Variants in NREP observed in about 807,000 individuals in gnomAD.
The protein encoded by NREP is neuronal regeneration related protein, also known as neuronal regeneration-related protein.
In NREP, 5 loss-of-function variants were observed where a neutral mutation model predicts 8.6. The ratio of observed to expected loss-of-function variants is 0.58; its 90% CI spans 0.30 to 1.22. NREP has a LOEUF of 1.22. NREP is among the 50% of genes most tolerant of loss of function. The pLI is 0.07. For synonymous variants in NREP, 27 were observed against 28.0 expected, an observed-to-expected ratio of 0.96 and a Z score of 0.11; for missense variants, 86 against 82.5, an observed-to-expected ratio of 1.04 and a Z score of -0.17.
chr5:111,731,819 C>T lies in NREP; in HGVS notation c.82-773G>A, dbSNP rs369854804. 5 of 152,474 alleles carry T rather than the reference C, an allele frequency of 3.3e-5. No homozygotes were observed. The East Asian group carries it at 5.8e-4, about 18-fold the overall frequency. 9.4% of individuals were successfully genotyped at this position (152,474 alleles called of 1,614,324 possible). On this transcript the variant is annotated intron_variant, in intron 3 of 3. Coordinates refer to ENST00000257435, the MANE Select transcript of NREP (RefSeq NM_004772.4). Reference sequence around the variant, plus strand: ...CAGTGTGACTACTGATCCGCCGCCACGTGGCTTCCCGGACACACTGCTGCA... The same window carrying T: ...CAGTGTGACTACTGATCCGCCGCCATGTGGCTTCCCGGACACACTGCTGCA...
In NREP at chr5:111,913,979, G is replaced by A. The variant is rs746881961; in HGVS notation, c.135+61295C>T. ...ATAAAGTGGAAGCAACCATCCTTAC[G>A]CATCTAAATGCAAAATTATTTGGTG... On this transcript the variant is annotated intron_variant, in intron 2 of 3. Transcript: ENST00000395634. Among the ~76,000 whole-genome samples, 98 of 152,196 alleles carry A rather than the reference G, an allele frequency of 6.4e-4. 1 individual carries two copies. Among genetic ancestry groups the A allele is most frequent in the Non-Finnish European group, 9.0e-4 (61 of 68,000 alleles).
chr5:111,770,016 G>A (rs928946839), intron 2 of NREP, among the ~76,000 whole-genome samples: 1 of 152,152 alleles, frequency 6.6e-6, no homozygotes, highest in Non-Finnish European at 1.5e-5. Context: ...CAAGAGATAG[G>A]GAGGCCGTGA....
chr5:111,845,327 C>A (rs1463538164), intron 2 of NREP, among the ~76,000 whole-genome samples: 2 of 151,662 alleles, frequency 1.3e-5, no homozygotes, highest in African/African-American at 4.9e-5. Flanking sequence ...TAATCTCTCA[C>A]CTGGATTCCA....
chr5:111,739,885 A>G (rs1326759068), intron 2 of NREP, among the ~76,000 whole-genome samples: 1 of 152,122 alleles, frequency 6.6e-6, no homozygotes, highest in Non-Finnish European at 1.5e-5. Context: ...TTCCATGTAT[A>G]CAATAAACAA....
intron 2 of NREP, among the ~76,000 whole-genome samples, chr5:111,790,572 C>T (rs1751719967): frequency 1.3e-5 from 2 of 151,886 alleles, no homozygotes; most frequent in Admixed American, 1.3e-4. Context: ...CCAACCTGAG[C>T]AGCAGAATGA....
At chr5:111,818,918 A>G (rs1581139983) in intron 2 of NREP, among the ~76,000 whole-genome samples, 1 of 152,350 alleles carries the variant, frequency 6.6e-6, no homozygotes, top group South Asian at 2.1e-4. Context: ...ATTTAAACCT[A>G]CAATGCATAA....
At chr5:111,889,409 C>T (rs1754340836) in intron 2 of NREP, among the ~76,000 whole-genome samples, 1 of 152,198 alleles carries the variant, frequency 6.6e-6, no homozygotes, top group Non-Finnish European at 1.5e-5. Context: ...TATCACCTTT[C>T]ACCAGGCCTC....
At chr5:111,908,319 G>T (rs1183329983) in intron 2 of NREP, among the ~76,000 whole-genome samples, 14 of 151,972 alleles carry the variant, frequency 9.2e-5, no homozygotes, top group Admixed American at 9.2e-4. Context: ...GGGTATATGT[G>T]TAGGTTTGTT....
At chr5:111,926,429 G>T (rs143780692) in intron 2 of NREP, among the ~76,000 whole-genome samples, 74 of 152,198 alleles carry the variant, frequency 4.9e-4, no homozygotes, top group African/African-American at 1.8e-3. Context: ...CGCTTGCAGA[G>T]GTCTGTGTTG....
chr5:111,975,426 G>A, intron 1 of NREP: 1 of 1,309,122 alleles, frequency 7.6e-7, no homozygotes, highest in East Asian at 2.5e-5. Context: ...ACCCCCCTGA[G>A]TGCCACAACT....
intron 2 of NREP, among the ~76,000 whole-genome samples, chr5:111,827,491 G>C (rs925277140): frequency 2.0e-5 from 3 of 152,178 alleles, no homozygotes; most frequent in African/African-American, 7.2e-5. Context: ...AAGGTTATGA[G>C]GTCATCCATT....
intron 2 of NREP, among the ~76,000 whole-genome samples, chr5:111,929,013 C>A (rs1242229163): frequency 6.6e-6 from 1 of 151,868 alleles, no homozygotes; most frequent in Non-Finnish European, 1.5e-5. Context: ...AATAAATGTA[C>A]TTGTTTTATA....
chr5:111,831,736 T>G (rs1465829554), intron 2 of NREP, among the ~76,000 whole-genome samples: 1 of 152,194 alleles, frequency 6.6e-6, no homozygotes, highest in Non-Finnish European at 1.5e-5. Context: ...TTTTAAAAAT[T>G]TGAGGTTCTA....
upstream of NREP, among the ~76,000 whole-genome samples, chr5:111,760,676 G>A (rs1428751402): frequency 1.3e-5 from 2 of 152,188 alleles, no homozygotes; most frequent in African/African-American, 4.8e-5. Context: ...GTTGAAGGAG[G>A]AAAGGGGCCT....
intron 2 of NREP, among the ~76,000 whole-genome samples, chr5:111,887,183 C>T (rs373932690): frequency 2.0e-5 from 3 of 151,944 alleles, no homozygotes; most frequent in Non-Finnish European, 2.9e-5. Flanking sequence ...CTTGGTCTCC[C>T]AAGGTGCTGA....
chr5:111,812,907 G>A (rs891249953), intron 2 of NREP, among the ~76,000 whole-genome samples: 2 of 152,130 alleles, frequency 1.3e-5, no homozygotes, highest in African/African-American at 2.4e-5. Flanking sequence ...TTTTGTAGGT[G>A]AGAAACTAAA....
intron 1 of NREP, chr5:111,756,198 C>A: frequency 9.8e-7 from 1 of 1,018,212 alleles, no homozygotes; most frequent in Non-Finnish European, 1.2e-6. Flanking sequence ...TATTTGCAAT[C>A]AAGACGACAG....
At chr5:111,912,530 C>A (rs939149927) in intron 2 of NREP, 1 of 152,080 alleles carries the variant, frequency 6.6e-6, no homozygotes, top group Non-Finnish European at 1.5e-5. Flanking sequence ...ATATAGATTT[C>A]TCTCTTCTTT....
intron 2 of NREP, among the ~76,000 whole-genome samples, chr5:111,954,184 A>G (rs962076664): frequency 6.6e-6 from 1 of 152,170 alleles, no homozygotes; most frequent in Non-Finnish European, 1.5e-5. Flanking sequence ...ATTGGATGTC[A>G]TGTGATCATC....
Sources: gnomAD v4.1 joint callset for allele counts (sites outside exome capture counted in the v4.1 genomes callset) on GRCh38, gnomAD v4.1.1 for gene constraint, MANE v1.5 for transcripts, NCBI Gene and HGNC (gene_info 2026-07-23, HGNC 2026-07-21) for gene names.